The following LRRC28 variants were observed in gnomAD, a reference collection of about 807,000 sequenced individuals.
LRRC28 encodes leucine rich repeat containing 28.
LRRC28 carries 39 observed loss-of-function variants against 45.7 expected under a neutral mutation model. That is an observed-to-expected ratio of 0.85 (90% CI 0.66 to 1.12). The LOEUF is 1.12. Among genes scored for constraint, LRRC28 ranks in the 50% most tolerant of loss-of-function variants. The probability of loss-of-function intolerance (pLI) is 0.00; values close to 1 mark genes in which losing one functional copy is unlikely to be tolerated. For synonymous variants in LRRC28, 206 were observed against 178.8 expected, an observed-to-expected ratio of 1.15 and a Z score of -1.22; for missense variants, 435 against 438.5, an observed-to-expected ratio of 0.99 and a Z score of 0.07.
intron 9 of LRRC28, among the ~76,000 whole-genome samples, chr15:99,376,081 A>G (rs1957622230): frequency 6.6e-6 from 1 of 152,128 alleles, no homozygotes; most frequent in Non-Finnish European, 1.5e-5. Flanking sequence ...TTTGTAATGT[A>G]AGCATTTAGT....
chr15:99,283,990 A>G (rs570743926), intron 3 of LRRC28, among the ~76,000 whole-genome samples: 5 of 152,374 alleles, frequency 3.3e-5, no homozygotes, highest in South Asian at 2.1e-4. Context: ...CCAGGAGCCA[A>G]GCACTGTTCT....
intron 5 of LRRC28, among the ~76,000 whole-genome samples, chr15:99,293,279 AT>A (rs2082172796): frequency 6.6e-6 from 1 of 152,022 alleles, no homozygotes; most frequent in African/African-American, 2.4e-5. Flanking sequence ...AGATAATATT[AT>A]TTTTGCAAGT....
Position 99,361,649 on chromosome 15 carries a change from C to A in LRRC28, c.871+138C>A, listed in dbSNP as rs904341393. The A allele has an allele frequency of 4.9e-6, 4 of 809,286 alleles. No individual in the cohort carries two copies. The African/African-American group carries it at 6.9e-5, about 14-fold the overall frequency. 50.1% of individuals were successfully genotyped at this position (809,286 alleles called of 1,614,324 possible). A position where few individuals can be genotyped will look rare whatever the true frequency, so the allele number is the denominator to read the frequency against. On this transcript the variant is annotated intron_variant, in intron 8 of 9. Transcript: ENST00000301981. ...CATAACACGAAAGTAACCATTTTAT[C>A]CATCTTTAAGTATACAGTTCAGTGG...
intron 6 of LRRC28, among the ~76,000 whole-genome samples, chr15:99,349,947 T>C (rs1956819177): frequency 6.6e-6 from 1 of 150,924 alleles, no homozygotes. Context: ...CCATCCTGGC[T>C]AACAAGGTGA....
chr15:99,275,051 G>A (rs769690076), intron 2 of LRRC28, among the ~76,000 whole-genome samples: 2 of 152,094 alleles, frequency 1.3e-5, no homozygotes, highest in Non-Finnish European at 2.9e-5. Context: ...TCAGCCTTTC[G>A]ACTCTTTCTT....
chr15:99,330,398 C>T (rs1298565294), intron 5 of LRRC28, among the ~76,000 whole-genome samples: 1 of 151,968 alleles, frequency 6.6e-6, no homozygotes, highest in Non-Finnish European at 1.5e-5. Flanking sequence ...CAGTTTTTTG[C>T]TTTATATAAT....
intron 2 of LRRC28, among the ~76,000 whole-genome samples, chr15:99,271,232 A>C (rs542483017): frequency 1.3e-5 from 2 of 150,898 alleles, no homozygotes; most frequent in South Asian, 2.1e-4. Flanking sequence ...ATTTTCTTGT[A>C]GTGGCCTGTA....
chr15:99,296,394 T>C (rs562050027), intron 5 of LRRC28, among the ~76,000 whole-genome samples: 9 of 152,286 alleles, frequency 5.9e-5, no homozygotes. Flanking sequence ...GTGCCTCCTG[T>C]CCCCAGATAT....
chr15:99,283,570 C>T (rs1053855850), intron 3 of LRRC28, among the ~76,000 whole-genome samples: 2 of 135,322 alleles, frequency 1.5e-5, no homozygotes, highest in South Asian at 2.4e-4. Flanking sequence ...GAGCAGAGAT[C>T]GAGCCACGGC....
intron 6 of LRRC28, among the ~76,000 whole-genome samples, chr15:99,344,805 A>G (rs1360343009): frequency 6.6e-6 from 1 of 152,184 alleles, no homozygotes; most frequent in African/African-American, 2.4e-5. Flanking sequence ...CAGTATAGAG[A>G]AAAGAGGTGC....
intron 2 of LRRC28, among the ~76,000 whole-genome samples, chr15:99,274,410 A>G (rs1567614938): frequency 6.6e-6 from 1 of 152,194 alleles, no homozygotes. Context: ...ATAAGCCTTT[A>G]GTGTTCTGTT....
chr15:99,361,298 T>C, intron 7 of LRRC28, 38 bp from the exon 8 acceptor site: 2 of 1,569,608 alleles, frequency 1.3e-6, no homozygotes, highest in Non-Finnish European at 1.7e-6. Context: ...TTCTTTTCCT[T>C]ATTGCTAATA....
At chr15:99,320,030 T>C (rs7167542) in intron 5 of LRRC28, among the ~76,000 whole-genome samples, 77,978 of 151,862 alleles carry the variant, frequency 0.51, 21,284 homozygotes, top group African/African-American at 0.72. Flanking sequence ...TGGTCTCCAA[T>C]TCCTGACCTC....
chr15:99,319,506 T>G (rs1955718146), intron 5 of LRRC28, among the ~76,000 whole-genome samples: 1 of 152,206 alleles, frequency 6.6e-6, no homozygotes, highest in Admixed American at 6.5e-5. Flanking sequence ...TTAGTTATAT[T>G]ATAATTGTCA....
At chr15:99,329,286 G>T (rs1956083994) in intron 5 of LRRC28, among the ~76,000 whole-genome samples, 1 of 152,178 alleles carries the variant, frequency 6.6e-6, no homozygotes. Context: ...CAAACAGACA[G>T]CATACACTTC....
intron 6 of LRRC28, among the ~76,000 whole-genome samples, chr15:99,341,083 C>CTTTTTTTTTTTTT (rs528372394): frequency 9.0e-5 from 9 of 100,504 alleles, no homozygotes; most frequent in Non-Finnish European, 1.5e-4. Context: ...ATTCTACTGT[C>CTTTTTTTTTTTTT]TTTTTTTTTT....
At chr15:99,367,732 A>G (rs1473225530) in intron 9 of LRRC28, among the ~76,000 whole-genome samples, 2 of 152,160 alleles carry the variant, frequency 1.3e-5, no homozygotes, top group African/African-American at 4.8e-5. Context: ...TGGAATTTTC[A>G]TGCCTTCTCT....
At chr15:99,320,635 T>A (rs896884869) in intron 5 of LRRC28, 1 of 152,180 alleles carries the variant, frequency 6.6e-6, no homozygotes, top group Non-Finnish European at 1.5e-5. Flanking sequence ...TGGAGAAATA[T>A]GCTGGTGCTG....
rs1186889842 is a variant in LRRC28, at chr15:99,352,349, C to G, written c.593-20C>G. 6.5e-7 allele frequency: 1 copy of G among 1,540,982 alleles called. No individual in the cohort carries two copies. The highest frequency in any genetic ancestry group is 1.7e-5 in the Admixed American group (1 of 59,220). On this transcript the variant is annotated intron_variant, in intron 6 of 9. Transcript: ENST00000301981. ...TGGTGCCTGTATATAGGAATTACAG[C>G]ACTTTTCTTTCTAATCCAGATTTAG... is the stretch of plus-strand genomic sequence containing the variant.
Sources: gnomAD v4.1 joint callset for allele counts (sites outside exome capture counted in the v4.1 genomes callset) on GRCh38, gnomAD v4.1.1 for gene constraint, MANE v1.5 for transcripts, NCBI Gene and HGNC (gene_info 2026-07-23, HGNC 2026-07-21) for gene names.